The following LRRC4C variants were observed in gnomAD, a reference collection of about 807,000 sequenced individuals.
LRRC4C encodes leucine rich repeat containing 4C, also known as leucine-rich repeat-containing protein 4C.
Under a neutral mutation model 33.6 loss-of-function variants are expected in LRRC4C, and 5 were observed. The ratio of observed to expected loss-of-function variants is 0.15; its 90% CI spans 0.08 to 0.31. LRRC4C has a LOEUF of 0.31. Ranked by LOEUF, LRRC4C falls within the 10% of genes least tolerant of loss-of-function variation. The pLI is 1.00. For missense variants in LRRC4C, 560 were observed against 796.7 expected, an observed-to-expected ratio of 0.70 and a Z score of 3.58; for synonymous variants, 329 against 302.0, an observed-to-expected ratio of 1.09 and a Z score of -0.93.
intron 2 of LRRC4C, among the ~76,000 whole-genome samples, chr11:40,769,160 G>T (rs1236351056): frequency 6.7e-6 from 1 of 148,394 alleles, no homozygotes; most frequent in Non-Finnish European, 1.5e-5. Context: ...AACATACAAA[G>T]TGAGTAAAAC....
intron 4 of LRRC4C, among the ~76,000 whole-genome samples, chr11:40,295,924 TA>T (rs1944489260): frequency 1.3e-5 from 2 of 152,358 alleles, no homozygotes; most frequent in South Asian, 4.1e-4. Context: ...AATAAACGAT[TA>T]AAAAGTACAT....
intron 3 of LRRC4C, among the ~76,000 whole-genome samples, chr11:40,486,975 G>T (rs1373436077): frequency 1.3e-5 from 2 of 151,924 alleles, no homozygotes; most frequent in Admixed American, 6.6e-5. Context: ...TGGAAATTAG[G>T]TCCACGGAAA....
intron 3 of LRRC4C, among the ~76,000 whole-genome samples, chr11:40,526,055 C>T (rs1387276675): frequency 1.3e-5 from 2 of 151,756 alleles, no homozygotes; most frequent in East Asian, 3.9e-4. Context: ...ATTCCTTGAA[C>T]CTTAATACAT....
At chr11:40,933,227 T>C (rs1231770666) in intron 2 of LRRC4C, among the ~76,000 whole-genome samples, 1 of 152,192 alleles carries the variant, frequency 6.6e-6, no homozygotes, top group Non-Finnish European at 1.5e-5. Context: ...TGCAATGTTT[T>C]ACTAGAAGCA....
intron 2 of LRRC4C, among the ~76,000 whole-genome samples, chr11:40,897,282 A>G (rs1955988503): frequency 6.6e-6 from 1 of 152,204 alleles, no homozygotes; most frequent in Non-Finnish European, 1.5e-5. Flanking sequence ...AATTATTTAA[A>G]AATATCTTTT....
At chr11:40,730,705 A>G (rs1947524084) in intron 2 of LRRC4C, among the ~76,000 whole-genome samples, 1 of 152,228 alleles carries the variant, frequency 6.6e-6, no homozygotes, top group African/African-American at 2.4e-5. Context: ...AAAGAAAAAA[A>G]TAATCTGACT....
chr11:41,302,601 A>G (rs1950317651), intron 1 of LRRC4C, among the ~76,000 whole-genome samples: 1 of 152,184 alleles, frequency 6.6e-6, no homozygotes, highest in Admixed American at 6.5e-5. Context: ...AGAAACAAAA[A>G]TAACAGAAGA....
chr11:41,436,496 C>A (rs2138477329), intron 1 of LRRC4C, among the ~76,000 whole-genome samples: 1 of 152,262 alleles, frequency 6.6e-6, no homozygotes, highest in South Asian at 2.1e-4. Flanking sequence ...TTCAAAGAGG[C>A]TACACAAATT....
intron 1 of LRRC4C, among the ~76,000 whole-genome samples, chr11:41,296,935 A>T (rs1950160684): frequency 6.6e-6 from 1 of 152,232 alleles, no homozygotes; most frequent in African/African-American, 2.4e-5. Flanking sequence ...ACAAGCAGTG[A>T]GAAAGTCCAC....
chr11:41,392,967 A>G (rs750545411), intron 1 of LRRC4C, among the ~76,000 whole-genome samples: 27 of 151,870 alleles, frequency 1.8e-4, no homozygotes, highest in African/African-American at 6.5e-4. Flanking sequence ...ATCCTCTGGC[A>G]TAAAGCATTA....
chr11:41,078,740 C>T (rs780125042), intron 1 of LRRC4C, among the ~76,000 whole-genome samples: 8 of 152,142 alleles, frequency 5.3e-5, no homozygotes, highest in Non-Finnish European at 1.2e-4. Flanking sequence ...GGATACAGAG[C>T]CAAACCATAT....
At chr11:40,228,030 C>T (rs1421793151) in intron 5 of LRRC4C, among the ~76,000 whole-genome samples, 2 of 152,158 alleles carry the variant, frequency 1.3e-5, no homozygotes, top group Non-Finnish European at 2.9e-5. Context: ...TAGTAAAAGT[C>T]AAAGGAAAGA....
chr11:40,147,915 C>A (rs918289957), intron 5 of LRRC4C, among the ~76,000 whole-genome samples: 8 of 152,026 alleles, frequency 5.3e-5, no homozygotes, highest in Non-Finnish European at 1.2e-4. Flanking sequence ...CCCTGATAGG[C>A]CCCAGTGTGT....
intron 3 of LRRC4C, among the ~76,000 whole-genome samples, chr11:40,591,344 C>T (rs529792653): frequency 3.9e-5 from 6 of 152,236 alleles, no homozygotes; most frequent in South Asian, 2.1e-4. Context: ...AGCTGGTGCA[C>T]GGTGCACGGA....
chr11:40,641,046 A>G (rs920749773), intron 3 of LRRC4C, among the ~76,000 whole-genome samples: 2 of 151,420 alleles, frequency 1.3e-5, no homozygotes, highest in Non-Finnish European at 2.9e-5. Flanking sequence ...GTAAATTTAA[A>G]AAAACCTAAT....
intron 1 of LRRC4C, among the ~76,000 whole-genome samples, chr11:41,281,626 A>G (rs1230900417): frequency 2.6e-5 from 4 of 152,314 alleles, no homozygotes; most frequent in East Asian, 3.9e-4. Flanking sequence ...GTGGGAGAGG[A>G]TTTAAAATTA....
At chr11:40,958,411 A>T (rs1592189656) in intron 1 of LRRC4C, among the ~76,000 whole-genome samples, 1 of 151,934 alleles carries the variant, frequency 6.6e-6, no homozygotes, top group African/African-American at 2.4e-5. Flanking sequence ...TACTACAGAA[A>T]TTTGATAATA....
intron 2 of LRRC4C, among the ~76,000 whole-genome samples, chr11:40,859,665 A>T (rs1953976757): frequency 5.9e-5 from 9 of 152,204 alleles, no homozygotes; most frequent in Admixed American, 5.9e-4. Flanking sequence ...TTTCTAGCAG[A>T]ATTTTTCACA....
At chr11:41,221,667 T>C (rs1947315043) in intron 1 of LRRC4C, among the ~76,000 whole-genome samples, 1 of 152,206 alleles carries the variant, frequency 6.6e-6, no homozygotes, top group Non-Finnish European at 1.5e-5. Context: ...CCATCAATGA[T>C]TGACTGGATA....
Sources: gnomAD v4.1 joint callset for allele counts (sites outside exome capture counted in the v4.1 genomes callset) on GRCh38, gnomAD v4.1.1 for gene constraint, MANE v1.5 for transcripts, NCBI Gene and HGNC (gene_info 2026-07-23, HGNC 2026-07-21) for gene names.